Variants in SHISA9 observed in about 807,000 individuals in gnomAD.
SHISA9 encodes shisa family member 9, also known as protein shisa-9.
In SHISA9, 13 loss-of-function variants were observed where a neutral mutation model predicts 38.0. The ratio of observed to expected loss-of-function variants is 0.34; its 90% confidence interval spans 0.22 to 0.54. SHISA9 has a LOEUF of 0.54. Among genes scored for constraint, SHISA9 ranks in the 20% least tolerant of loss-of-function variants. The probability of loss-of-function intolerance (pLI) is 0.91; values close to 1 mark genes in which losing one functional copy is unlikely to be tolerated. For synonymous variants in SHISA9, 275 were observed against 242.0 expected, an observed-to-expected ratio of 1.14 and a Z score of -1.27; for missense variants, 538 against 575.8, an observed-to-expected ratio of 0.93 and a Z score of 0.67.
chr16:13,007,458 C>T (rs1364003475), intron 2 of SHISA9, among the ~76,000 whole-genome samples: 1 of 152,166 alleles, frequency 6.6e-6, no homozygotes, highest in East Asian at 1.9e-4. Context: ...TTGCCTGTGG[C>T]CGCCATATTG....
At chr16:13,509,910 C>T in the SHISA9 span, among the ~76,000 whole-genome samples, 2 of 152,192 alleles carry the variant, frequency 1.3e-5, no homozygotes, top group African/African-American at 4.8e-5. Flanking sequence ...TCATTTTCCT[C>T]ATCTGTGAAG....
intron 2 of SHISA9, among the ~76,000 whole-genome samples, chr16:13,086,129 G>A (rs941707150): frequency 2.6e-5 from 4 of 151,884 alleles, no homozygotes; most frequent in Non-Finnish European, 5.9e-5. Context: ...AGGCCGAGGC[G>A]GGCAGATCAT....
chr16:13,367,701 C>CGTGTGCGTGCGCGCGT, the SHISA9 span, among the ~76,000 whole-genome samples: 3 of 66,068 alleles, frequency 4.5e-5, no homozygotes, highest in African/African-American at 1.6e-4. Flanking sequence ...TGTGCGTGCG[C>CGTGTGCGTGCGCGCGT]GCGCGCGCGC....
At chr16:12,991,583 A>C (rs2072386582) in intron 2 of SHISA9, among the ~76,000 whole-genome samples, 1 of 152,256 alleles carries the variant, frequency 6.6e-6, no homozygotes, top group Non-Finnish European at 1.5e-5. Flanking sequence ...CCCTAGTCTC[A>C]GGCTCAGAAA....
intron 2 of SHISA9, among the ~76,000 whole-genome samples, chr16:13,080,315 G>C (rs928777475): frequency 6.6e-6 from 1 of 152,228 alleles, no homozygotes; most frequent in Non-Finnish European, 1.5e-5. Flanking sequence ...GGAGCTTGCA[G>C]TGAGCCTAGA....
At chr16:13,363,181 T>C in the SHISA9 span, among the ~76,000 whole-genome samples, 2 of 152,246 alleles carry the variant, frequency 1.3e-5, no homozygotes, top group South Asian at 4.1e-4. Context: ...ACTATTTCAA[T>C]GCTAGATCAT....
At chr16:13,023,497 T>C (rs1314359656) in intron 2 of SHISA9, among the ~76,000 whole-genome samples, 1 of 152,226 alleles carries the variant, frequency 6.6e-6, no homozygotes, top group African/African-American at 2.4e-5. Flanking sequence ...CATGTGTCTT[T>C]ATAGTAGCAT....
At chr16:13,265,995 A>G in the SHISA9 span, among the ~76,000 whole-genome samples, 2 of 152,236 alleles carry the variant, frequency 1.3e-5, no homozygotes, top group Admixed American at 6.5e-5. Context: ...ATTAGGAAAG[A>G]AAGATTGAAT....
chr16:13,183,893 G>A lies in SHISA9; in HGVS notation c.692-19501G>A, dbSNP rs187134108. On this transcript the variant is annotated intron_variant, in intron 2 of 4. Transcript: ENST00000558583. ...CCATGGATTGGATGTGAAGTTTTGT[G>A]ATTGTGGTTCCTTGTTGACTCTGCT... is the stretch of plus-strand genomic sequence containing the variant. Among the ~76,000 whole-genome samples, 214 of 152,250 alleles carry A rather than the reference G, an allele frequency of 1.4e-3. 1 individual carries two copies. Among genetic ancestry groups the A allele is most frequent in the African/African-American group, 4.7e-3 (196 of 41,542 alleles).
chr16:12,986,128 T>G (rs1024944012), intron 2 of SHISA9, among the ~76,000 whole-genome samples: 1 of 152,224 alleles, frequency 6.6e-6, no homozygotes, highest in Non-Finnish European at 1.5e-5. Flanking sequence ...GAGTAGTTTT[T>G]AAATAAATTG....
intron 4 of SHISA9, among the ~76,000 whole-genome samples, chr16:13,214,679 A>G (rs1476221226): frequency 1.3e-5 from 2 of 152,198 alleles, no homozygotes; most frequent in Non-Finnish European, 2.9e-5. Flanking sequence ...TGGCTGGGGA[A>G]GTCTCACAAT....
chr16:13,109,267 C>A (rs528508648), intron 2 of SHISA9, among the ~76,000 whole-genome samples: 2 of 152,042 alleles, frequency 1.3e-5, no homozygotes, highest in East Asian at 3.9e-4. Flanking sequence ...CTCAAGCAAT[C>A]CTCCCACCTT....
chr16:13,496,387 C>T, the SHISA9 span, among the ~76,000 whole-genome samples: 7 of 151,814 alleles, frequency 4.6e-5, no homozygotes, highest in Non-Finnish European at 1.0e-4. Flanking sequence ...ATAACTCAAC[C>T]GTCATAACTA....
the SHISA9 span, among the ~76,000 whole-genome samples, chr16:13,415,574 C>T: frequency 1.3e-5 from 2 of 152,264 alleles, no homozygotes; most frequent in East Asian, 3.9e-4. Context: ...TGCACACATA[C>T]TCCTGAACTT....
At chr16:13,396,713 G>A in the SHISA9 span, among the ~76,000 whole-genome samples, 1 of 152,158 alleles carries the variant, frequency 6.6e-6, no homozygotes, top group South Asian at 2.1e-4. Flanking sequence ...TGGGATGCTT[G>A]TTTGAAAGGC....
intron 2 of SHISA9, among the ~76,000 whole-genome samples, chr16:13,031,954 G>C (rs1480026298): frequency 6.6e-6 from 1 of 151,516 alleles, no homozygotes; most frequent in East Asian, 1.9e-4. Context: ...CCTGAGTTGT[G>C]AGCCATGCCC....
the SHISA9 span, among the ~76,000 whole-genome samples, chr16:13,417,444 C>T: frequency 6.6e-6 from 1 of 152,042 alleles, no homozygotes; most frequent in Admixed American, 6.6e-5. Flanking sequence ...TGGGTTGGAG[C>T]CAAGAAATGG....
intron 4 of SHISA9, among the ~76,000 whole-genome samples, chr16:13,231,223 G>A (rs1471739037): frequency 2.6e-5 from 4 of 152,210 alleles, no homozygotes; most frequent in Non-Finnish European, 5.9e-5. Context: ...TAAGGGATGG[G>A]TGGTTCCCAT....
At chr16:13,181,310 T>TACAC (rs149783109) in intron 2 of SHISA9, among the ~76,000 whole-genome samples, 8 of 33,002 alleles carry the variant, frequency 2.4e-4, no homozygotes, top group African/African-American at 1.3e-3. Flanking sequence ...TATATATATA[T>TACAC]ATACACACAC....
Sources: allele counts gnomAD v4.1 joint callset (sites outside exome capture counted in the v4.1 genomes callset), GRCh38; gene constraint gnomAD v4.1.1; transcripts MANE v1.5; gene names NCBI Gene and HGNC (gene_info 2026-07-23, HGNC 2026-07-21).